PACSIN2: variants seen among roughly 807,000 people sequenced by gnomAD.
PACSIN2 encodes protein kinase C and casein kinase substrate in neurons protein 2.
PACSIN2 carries 25 observed loss-of-function variants against 63.8 expected under a neutral mutation model. The ratio of observed to expected loss-of-function variants is 0.39; its 90% CI spans 0.29 to 0.55. The LOEUF is 0.55. PACSIN2 is among the 20% of genes least tolerant of loss of function. PACSIN2 has a pLI of 0.62. For missense variants in PACSIN2, 518 were observed against 646.9 expected, an observed-to-expected ratio of 0.80 and a Z score of 2.16; for synonymous variants, 255 against 256.2, an observed-to-expected ratio of 1.00 and a Z score of 0.05.
chr22:42,932,229 C>T (rs1304227096), intron 1 of PACSIN2, among the ~76,000 whole-genome samples: 1 of 152,212 alleles, frequency 6.6e-6, no homozygotes, highest in African/African-American at 2.4e-5. Context: ...TTTGCACATG[C>T]TGTTCCCTCT....
chr22:42,879,263 G>T, intron 7 of PACSIN2, 94 bp from the exon 8 acceptor site: 1 of 1,388,116 alleles, frequency 7.2e-7, no homozygotes. Flanking sequence ...GCCTGCAGTT[G>T]GCTCTGTGCA....
intron 8 of PACSIN2, among the ~76,000 whole-genome samples, chr22:42,877,357 A>G (rs1247639199): frequency 6.6e-6 from 1 of 152,010 alleles, no homozygotes; most frequent in African/African-American, 2.4e-5. Flanking sequence ...CCTGACTCCC[A>G]CCAATGTGAG....
chr22:42,952,812 G>A (rs1470939239), intron 1 of PACSIN2, among the ~76,000 whole-genome samples: 1 of 151,970 alleles, frequency 6.6e-6, no homozygotes, highest in African/African-American at 2.4e-5. Flanking sequence ...ACAGGTGTGT[G>A]CCACCAGGCC....
At chr22:42,962,682 T>C (rs981580859) in intron 1 of PACSIN2, among the ~76,000 whole-genome samples, 1 of 144,030 alleles carries the variant, frequency 6.9e-6, no homozygotes, top group East Asian at 2.0e-4. Context: ...CACCCTCACA[T>C]GCCCTCAGGC....
At chr22:42,952,793 G>T (rs1473905378) in intron 1 of PACSIN2, among the ~76,000 whole-genome samples, 3 of 152,134 alleles carry the variant, frequency 2.0e-5, no homozygotes, top group African/African-American at 7.2e-5. Context: ...CTCCCGAGTA[G>T]CTGGGATTAC....
At chr22:42,936,613 A>G (rs1388010001) in intron 1 of PACSIN2, among the ~76,000 whole-genome samples, 1 of 152,192 alleles carries the variant, frequency 6.6e-6, no homozygotes, top group African/African-American at 2.4e-5. Context: ...CAAAGCAGAA[A>G]TAAAGATGGG....
rs71311476 is a variant in PACSIN2, at chr22:43,012,154, A to AATACATACATAC, written c.-78+2855_-78+2866dup. 7.8e-3 allele frequency among the ~76,000 whole-genome samples: 1,040 copies of AATACATACATAC among 133,990 alleles called. 8 individuals are homozygous for AATACATACATAC. Among genetic ancestry groups the AATACATACATAC allele is most frequent in the East Asian group, 0.02 (91 of 4,514 alleles). 87.9% of individuals were successfully genotyped at this position (133,990 alleles called of 152,430 possible). ...GCGAGACTCTGTCTCAAAATAAATA[A>AATACATACATAC]ATACATACATACATACATACATACA... On this transcript the variant is annotated intron_variant, in intron 1 of 10. Transcript: ENST00000263246.
At chr22:42,977,667 AGG>A (rs1233017501) in intron 1 of PACSIN2, among the ~76,000 whole-genome samples, 1 of 152,092 alleles carries the variant, frequency 6.6e-6, no homozygotes, top group Non-Finnish European at 1.5e-5. Context: ...GTGGCAGGGG[AGG>A]GACCTGATGG....
chr22:42,940,550 A>T (rs1375187743), intron 1 of PACSIN2, among the ~76,000 whole-genome samples: 1 of 152,214 alleles, frequency 6.6e-6, no homozygotes, highest in Non-Finnish European at 1.5e-5. Flanking sequence ...AAGCAGTGCC[A>T]CCAGAATATG....
intron 1 of PACSIN2, among the ~76,000 whole-genome samples, chr22:42,999,358 T>C (rs1923616690): frequency 6.6e-6 from 1 of 152,206 alleles, no homozygotes; most frequent in Non-Finnish European, 1.5e-5. Flanking sequence ...TGTATGTGTG[T>C]GTACGGAGGC....
intron 1 of PACSIN2, among the ~76,000 whole-genome samples, chr22:43,009,795 T>C (rs1187305893): frequency 2.0e-5 from 3 of 151,926 alleles, no homozygotes; most frequent in Admixed American, 6.6e-5. Context: ...GCAAAATCTC[T>C]AGCCTTATTT....
chr22:42,993,129 G>A (rs1466769811), intron 1 of PACSIN2, among the ~76,000 whole-genome samples: 1 of 151,422 alleles, frequency 6.6e-6, no homozygotes, highest in Non-Finnish European at 1.5e-5. Context: ...AGTCGAGATT[G>A]CACCACTGCA....
At chr22:42,907,756 C>A (rs116275088) in intron 2 of PACSIN2, among the ~76,000 whole-genome samples, 2,173 of 152,358 alleles carry the variant, frequency 0.014, 56 homozygotes, top group African/African-American at 0.049. Context: ...CTAGGAGGCC[C>A]GAGGCTGGGC....
intron 1 of PACSIN2, among the ~76,000 whole-genome samples, chr22:42,985,711 T>C (rs1037520515): frequency 6.6e-6 from 1 of 152,196 alleles, no homozygotes; most frequent in Admixed American, 6.5e-5. Flanking sequence ...TAACCTTCTG[T>C]CTGCCTCTTC....
chr22:42,903,876 CCT>C (rs1930875989), intron 2 of PACSIN2, among the ~76,000 whole-genome samples: 1 of 152,122 alleles, frequency 6.6e-6, no homozygotes, highest in Admixed American at 6.5e-5. Context: ...CTGGCCGTAT[CCT>C]CTGTTCCTGA....
At chr22:42,965,798 T>C (rs5759060) in intron 1 of PACSIN2, among the ~76,000 whole-genome samples, 91,658 of 152,024 alleles carry the variant, frequency 0.6, 28,185 homozygotes, top group East Asian at 0.78. Context: ...GTGTCAGCAA[T>C]AGGTTTCAAT....
intron 1 of PACSIN2, among the ~76,000 whole-genome samples, chr22:42,995,992 G>C (rs1043100370): frequency 5.3e-5 from 8 of 152,008 alleles, no homozygotes; most frequent in Admixed American, 3.3e-4. Flanking sequence ...AGGCCGAAGT[G>C]GGCGGATCAC....
rs1314009675 is a variant in PACSIN2 at position 42,870,311 on chromosome 22, C to T, written c.*1046G>A. 6.6e-6 allele frequency: 1 copy of T among 152,204 alleles called. No individual in the cohort carries two copies. Among genetic ancestry groups the T allele is most frequent in the Non-Finnish European group, 1.5e-5 (1 of 68,046 alleles). The allele number at this position is 152,204 out of a possible 1,614,324, so 9.4% of individuals were successfully genotyped here. ...TCCAGCAGGCACCACGTCAGAGAGG[C>T]CCCAGGCCCACTGAGCCCGGGAGGA... On this transcript the variant is annotated 3_prime_UTR_variant, in exon 11 of 11. Transcript: ENST00000263246.
chr22:42,907,524 G>A (rs778284802), intron 2 of PACSIN2, among the ~76,000 whole-genome samples: 8 of 152,246 alleles, frequency 5.3e-5, no homozygotes, highest in South Asian at 4.1e-4. Context: ...ACCCTGTCCC[G>A]AGGAGCCCAT....
Sources: gnomAD v4.1 joint callset for allele counts (sites outside exome capture counted in the v4.1 genomes callset) on GRCh38, gnomAD v4.1.1 for gene constraint, MANE v1.5 for transcripts, NCBI Gene and HGNC (gene_info 2026-07-23, HGNC 2026-07-21) for gene names.